TTLL12: variants seen among roughly 807,000 people sequenced by gnomAD.
TTLL12 encodes tubulin--tyrosine ligase-like protein 12.
TTLL12 carries 77 observed loss-of-function variants against 79.6 expected under a neutral mutation model. That is an observed-to-expected ratio of 0.97 (90% confidence interval 0.81 to 1.17). The LOEUF (loss-of-function observed/expected upper bound fraction) is 1.17. Ranked by LOEUF, TTLL12 falls within the 50% of genes most tolerant of loss-of-function variation. TTLL12 has a pLI of 0.00. For missense variants in TTLL12, 969 were observed against 895.9 expected (o/e 1.08, Z -1.04); for synonymous variants, 437 against 376.1 (o/e 1.16, Z -1.87).
chr22:43,185,318 TC>T (rs1932157840), intron 1 of TTLL12, among the ~76,000 whole-genome samples: 1 of 142,048 alleles, frequency 7.0e-6, no homozygotes, highest in East Asian at 2.2e-4. Flanking sequence ...TCTTCAAGTT[TC>T]CCCATCCTTT....
intron 11 of TTLL12, chr22:43,170,238 T>C: frequency 3.5e-6 from 1 of 282,384 alleles, no homozygotes; most frequent in South Asian, 3.4e-5. Flanking sequence ...GCTCAGAACC[T>C]GAGGGCGACT....
At chr22:43,172,581 G>A (rs1345207024) in intron 9 of TTLL12, 27 bp from the exon 10 acceptor site, 2 of 1,613,554 alleles carry the variant, frequency 1.2e-6, no homozygotes, top group East Asian at 2.2e-5. Flanking sequence ...CAAGCTCGCT[G>A]GTGGCCAGGA....
At chr22:43,182,349 C>T (rs1048756700) in intron 2 of TTLL12, among the ~76,000 whole-genome samples, 2 of 152,184 alleles carry the variant, frequency 1.3e-5, no homozygotes, top group Non-Finnish European at 2.9e-5. Context: ...GAGGAGGAGG[C>T]GGGAGAAGCT....
chr22:43,185,287 A>C lies in TTLL12; in HGVS notation c.177+1606T>G, dbSNP rs1260694198. On this transcript the variant is annotated intron_variant, in intron 1 of 13. Coordinates refer to ENST00000216129, the MANE Select transcript of TTLL12 (RefSeq NM_015140.4). The stretch of plus-strand genomic sequence containing the variant: ...TATATATATATATATATATATATAT[A>C]TATATATATATATGTATGTATCTTC... Among the ~76,000 whole-genome samples the C allele has an allele frequency of 9.2e-4, 54 of 58,670 alleles. 15 individuals carry two copies. The highest frequency in any genetic ancestry group is 1.4e-3 in the Non-Finnish European group (36 of 25,522). The allele number at this position is 58,670 out of a possible 152,430, so 38.5% of individuals were successfully genotyped here.
chr22:43,173,095 T>C (rs1286482774), intron 9 of TTLL12, among the ~76,000 whole-genome samples: 2 of 152,154 alleles, frequency 1.3e-5, no homozygotes, highest in Non-Finnish European at 2.9e-5. Flanking sequence ...TCCACGACAA[T>C]CGTCCTCATG....
rs143398079 is a variant in TTLL12 at position 43,183,104 on chromosome 22, C to T, written c.223G>A (p.Val75Ile). ...GCTGCCTCGTCCTCCTCCTCTTCTA[C>T]CTCCTCCACTTGCATGATCCCAAAC... ...EVFGIMQVEEVEEEEDEAARE... is the reference protein window; with the variant it reads ...EVFGIMQVEEIEEEEDEAARE... The change falls in exon 2 of 14, where the codon GTA becomes ATA. Residue 75 changes from valine (V) to isoleucine (I), a missense_variant. By Grantham distance (29) the Val-to-Ile change is conservative. Transcript: ENST00000216129. 8.1e-6 allele frequency: 13 copies of T among 1,613,992 alleles called. No individual in the cohort carries two copies. Among genetic ancestry groups the T allele is most frequent in the Non-Finnish European group, 9.3e-6 (11 of 1,180,002 alleles).
chr22:43,186,037 C>A (rs1932174662), intron 1 of TTLL12: 1 of 985,312 alleles, frequency 1.0e-6, no homozygotes, highest in African/African-American at 1.7e-5. Flanking sequence ...ACCGTAGAGT[C>A]TGGCCAGCAG....
intron 5 of TTLL12, 75 bp from the exon 6 acceptor site, chr22:43,176,471 C>G (rs1363701343): frequency 4.9e-6 from 6 of 1,236,630 alleles, no homozygotes; most frequent in Non-Finnish European, 7.0e-6. Flanking sequence ...GGCTCATGTC[C>G]ATAATCCCAG....
intron 5 of TTLL12, among the ~76,000 whole-genome samples, chr22:43,178,965 G>A (rs1931983042): frequency 1.3e-5 from 2 of 152,316 alleles, no homozygotes; most frequent in South Asian, 4.1e-4. Context: ...GGAGGGGAAG[G>A]AGGAGAGATG....
In TTLL12 at chr22:43,172,499, T is replaced by C. The variant is rs201450134; in HGVS notation, c.1397A>G (p.Lys466Arg). 1 of 1,614,116 alleles carries C rather than the reference T, an allele frequency of 6.2e-7. No individual in the cohort carries two copies. Among genetic ancestry groups the C allele is most frequent in the Non-Finnish European group, 8.5e-7 (1 of 1,180,026 alleles). The change falls in exon 10 of 14, where the codon AAG becomes AGG. Residue 466 changes from lysine to arginine, a missense_variant. Physicochemically the swap from Lys to Arg is conservative, Grantham distance 26. Transcript: ENST00000216129. ...PVLFLREDVGKVKFDIRYIVL... is the reference protein window; with the variant it reads ...PVLFLREDVGRVKFDIRYIVL... The stretch of plus-strand genomic sequence containing the variant: ...GATGTAGCGGATGTCGAACTTGACC[T>C]TTCCCACGTCTTCTCGAAGGAACAA...
chr22:43,177,570 C>T (rs1256510762), intron 5 of TTLL12, among the ~76,000 whole-genome samples: 2 of 152,158 alleles, frequency 1.3e-5, no homozygotes, highest in Admixed American at 6.5e-5. Context: ...CTCTCTCCCT[C>T]GGATCACTTG....
chr22:43,178,187 C>T (rs1601772880), intron 5 of TTLL12, among the ~76,000 whole-genome samples: 1 of 152,116 alleles, frequency 6.6e-6, no homozygotes, highest in East Asian at 1.9e-4. Flanking sequence ...AAGACTGAGC[C>T]CCTTGTTTTT....
chr22:43,185,975 C>G lies in TTLL12; in HGVS notation c.177+918G>C, dbSNP rs1295001211. ...GGTGCCACTCACTGCACGTTTCCAG[C>G]AGGAAGGTTCCTAGTCCAATCAGGA... On this transcript the variant is annotated intron_variant, in intron 1 of 13. Transcript: ENST00000216129. 4 of 985,340 alleles carry G rather than the reference C, an allele frequency of 4.1e-6. No individual in the cohort carries two copies. The African/African-American group carries it at 7.0e-5, about 17-fold the overall frequency. The allele number at this position is 985,340 out of a possible 1,614,324, so 61.0% of individuals were successfully genotyped here. A position where few individuals can be genotyped will look rare whatever the true frequency, so the allele number is the denominator to read the frequency against.
intron 3 of TTLL12, 53 bp from the exon 4 acceptor site, chr22:43,180,053 C>T: frequency 6.6e-7 from 1 of 1,516,388 alleles, no homozygotes; most frequent in Non-Finnish European, 8.8e-7. Context: ...CCCACCGGAA[C>T]TCCCTTCCGG....
chr22:43,175,183 G>A (rs1029656050), intron 6 of TTLL12: 2 of 152,534 alleles, frequency 1.3e-5, no homozygotes, highest in Non-Finnish European at 1.5e-5. Context: ...GACCAGGTTT[G>A]GGCAGCCAAG....
intron 2 of TTLL12, among the ~76,000 whole-genome samples, chr22:43,181,583 A>T (rs1932057770): frequency 6.6e-6 from 1 of 152,172 alleles, no homozygotes; most frequent in Admixed American, 6.5e-5. Flanking sequence ...GTGGCACAGG[A>T]TCAACTGTCC....
chr22:43,186,829 C>T (rs1932196728), intron 1 of TTLL12, 64 bp downstream of exon 1: 1 of 1,230,406 alleles, frequency 8.1e-7, no homozygotes, highest in Non-Finnish European at 1.0e-6. Flanking sequence ...CCCTGTCCCG[C>T]GCCGCGGGCT....
chr22:43,176,308 G>C lies in TTLL12; in HGVS notation c.917+12C>G. On this transcript the variant is annotated intron_variant, in intron 6 of 13. Transcript: ENST00000216129. ...CAAGTCCCAGCCCAAGCAGTGGGGGGGGGCTACGCACTTGAAGATGTGGCC... is the reference window on the plus strand; with the variant it reads ...CAAGTCCCAGCCCAAGCAGTGGGGGCGGGCTACGCACTTGAAGATGTGGCC... 5.1e-6 allele frequency: 8 copies of C among 1,576,642 alleles called. No homozygotes were observed. The highest frequency in any genetic ancestry group is 6.9e-6 in the Non-Finnish European group (8 of 1,158,406).
intron 6 of TTLL12, 21 bp from the exon 7 acceptor site, chr22:43,174,636 G>A (rs1286235483): frequency 6.4e-7 from 1 of 1,558,422 alleles, no homozygotes; most frequent in Non-Finnish European, 8.8e-7. Flanking sequence ...AGCCCGAGCT[G>A]GGTGATCCCG....
Sources: allele counts gnomAD v4.1 joint callset (sites outside exome capture counted in the v4.1 genomes callset), GRCh38; gene constraint gnomAD v4.1.1; transcripts MANE v1.5; gene names NCBI Gene and HGNC (gene_info 2026-07-23, HGNC 2026-07-21).